Variants in NUP93 observed in about 807,000 individuals in gnomAD.
NUP93 encodes the protein nuclear pore complex protein Nup93.
A neutral mutation model predicts 107.8 loss-of-function variants in NUP93; 55 were observed. That is an observed-to-expected ratio of 0.51 (90% CI 0.41 to 0.64). The LOEUF (loss-of-function observed/expected upper bound fraction) is 0.64. NUP93 is among the 30% of genes least tolerant of loss of function. NUP93 has a pLI of 0.00. For missense variants in NUP93, 937 were observed against 1,044.7 expected (o/e 0.90, Z 1.42); for synonymous variants, 390 against 397.5 (o/e 0.98, Z 0.22).
rs916732353 is a variant in NUP93, at chr16:56,848,523, C to T, written c.*3914C>T. 7 of 152,228 alleles carry T rather than the reference C, an allele frequency of 4.6e-5. No homozygotes were observed. The highest frequency in any genetic ancestry group is 1.0e-4 in the Non-Finnish European group (7 of 68,048). 9.4% of individuals were successfully genotyped at this position (152,228 alleles called of 1,614,324 possible). ...ATCCTACGCTGAATCCACAAGTCTT[C>T]CCATCTTCCACCATCTTCTGACAGT... On this transcript the variant is annotated 3_prime_UTR_variant, in exon 22 of 22. Coordinates refer to ENST00000308159, the MANE Select transcript of NUP93 (RefSeq NM_014669.5).
At chr16:56,808,553 TA>T (rs1156543943) in intron 5 of NUP93, among the ~76,000 whole-genome samples, 1 of 127,762 alleles carries the variant, frequency 7.8e-6, no homozygotes, top group Non-Finnish European at 1.5e-5. Context: ...TATAAATATA[TA>T]AAAATATATA....
chr16:56,821,628 G>T (rs767034423), intron 7 of NUP93, 35 bp downstream of exon 7: 1 of 1,475,732 alleles, frequency 6.8e-7, no homozygotes, highest in South Asian at 1.1e-5. Context: ...AGAAACCGGG[G>T]TCCAGTGTTC....
At chr16:56,829,718 G>A (rs1244307633) in intron 9 of NUP93, among the ~76,000 whole-genome samples, 1 of 152,194 alleles carries the variant, frequency 6.6e-6, no homozygotes, top group Admixed American at 6.6e-5. Flanking sequence ...AGAGTATCGG[G>A]AGGACTGGGT....
chr16:56,740,201 C>G (rs1414825246), intron 1 of NUP93, among the ~76,000 whole-genome samples: 8 of 109,312 alleles, frequency 7.3e-5, no homozygotes, highest in African/African-American at 1.4e-4. Flanking sequence ...GGGTGGCTGC[C>G]GGGCGGAGAG....
intron 1 of NUP93, chr16:56,740,961 A>G (rs1252534348): frequency 6.3e-6 from 1 of 158,378 alleles, no homozygotes; most frequent in East Asian, 1.9e-4. Flanking sequence ...CCGAGATGGC[A>G]GCAGTACAGT....
chr16:56,788,396 C>T (rs201907033), intron 3 of NUP93, among the ~76,000 whole-genome samples: 1 of 152,232 alleles, frequency 6.6e-6, no homozygotes, highest in Non-Finnish European at 1.5e-5. Context: ...AGGAAAGTTG[C>T]TTCTACAACC....
Position 56,834,461 on chromosome 16 carries a change from C to T in NUP93, c.1737+19C>T. On this transcript the variant is annotated intron_variant, in intron 15 of 21. Transcript: ENST00000308159. ...CCGAGAGGTGAGTGGGTTTCCTTTTCTCTCCTCCCCATGGTTTTCAGTGTG... is the reference window on the plus strand; with the variant it reads ...CCGAGAGGTGAGTGGGTTTCCTTTTTTCTCCTCCCCATGGTTTTCAGTGTG... 2 of 1,612,966 alleles carry T rather than the reference C, an allele frequency of 1.2e-6. No individual in the cohort carries two copies. The highest frequency in any genetic ancestry group is 1.1e-5 in the South Asian group (1 of 91,050).
intron 3 of NUP93, among the ~76,000 whole-genome samples, chr16:56,791,903 A>G (rs1461093265): frequency 1.3e-5 from 2 of 152,258 alleles, no homozygotes; most frequent in Admixed American, 6.5e-5. Flanking sequence ...CTCTAAAGCA[A>G]TGAGTTCAAG....
chr16:56,748,473 C>G (rs746692261), intron 2 of NUP93, 47 bp downstream of exon 2: 4 of 1,489,030 alleles, frequency 2.7e-6, no homozygotes, highest in Non-Finnish European at 3.7e-6. Flanking sequence ...GGCTTGCGGG[C>G]AGGATCTGTT....
At chr16:56,752,874 A>G (rs535422979) in intron 2 of NUP93, among the ~76,000 whole-genome samples, 304 of 152,338 alleles carry the variant, frequency 2.0e-3, no homozygotes, top group Non-Finnish European at 2.4e-3. Flanking sequence ...CTGATTTTCA[A>G]CAAGGGTACC....
chr16:56,733,873 G>A lies in NUP93; in HGVS notation c.-15+3662G>A, dbSNP rs185423497. 7.2e-5 allele frequency among the ~76,000 whole-genome samples: 11 copies of A among 152,316 alleles called. No individual in the cohort carries two copies. In the East Asian group the frequency reaches 1.9e-3, roughly 27 times the overall value. Reference sequence around the variant, plus strand: ...ATAGCTTCAACTGTGTCCTCAAACAGCTAGATCCCCCATACACAGTTGCTA... The same window carrying A: ...ATAGCTTCAACTGTGTCCTCAAACAACTAGATCCCCCATACACAGTTGCTA... On this transcript the variant is annotated intron_variant, in intron 1 of 21. Transcript: ENST00000308159.
chr16:56,780,409 T>C (rs1210895056), intron 3 of NUP93, among the ~76,000 whole-genome samples: 1 of 152,238 alleles, frequency 6.6e-6, no homozygotes, highest in Non-Finnish European at 1.5e-5. Context: ...TTTATGCTAG[T>C]AACATAAGTT....
rs543032510 is a variant in NUP93 at position 56,848,620 on chromosome 16, A to T, written c.*4011A>T. The T allele has an allele frequency of 6.6e-6, 1 of 152,204 alleles. No homozygotes were observed. Among genetic ancestry groups the T allele is most frequent in the African/African-American group, 2.4e-5 (1 of 41,432 alleles). The allele number at this position is 152,204 out of a possible 1,614,324, so 9.4% of individuals were successfully genotyped here. ...TAAATCTTTCTGCCACTTGTTTCCA[A>T]CCGAAAAGGAAAAAAGTTAAAAATT... On this transcript the variant is annotated 3_prime_UTR_variant, in exon 22 of 22. Coordinates refer to ENST00000308159, the MANE Select transcript of NUP93 (RefSeq NM_014669.5).
chr16:56,816,617 A>G (rs1050066990), intron 5 of NUP93, among the ~76,000 whole-genome samples: 1 of 152,206 alleles, frequency 6.6e-6, no homozygotes, highest in Non-Finnish European at 1.5e-5. Flanking sequence ...TCCAATCAGT[A>G]AAAGCAGAAG....
chr16:56,750,299 T>C (rs1380154788), intron 2 of NUP93, among the ~76,000 whole-genome samples: 1 of 152,236 alleles, frequency 6.6e-6, no homozygotes, highest in Non-Finnish European at 1.5e-5. Flanking sequence ...TTTTTCCATC[T>C]TCTTGATAGG....
intron 13 of NUP93, 125 bp from the exon 14 acceptor site, chr16:56,834,003 G>A: frequency 1.5e-6 from 2 of 1,371,390 alleles, no homozygotes; most frequent in Non-Finnish European, 2.0e-6. Context: ...GCTTATATTA[G>A]CAAACTTTGA....
rs1425539806 is a variant in NUP93 at position 56,823,784 on chromosome 16, C to T, written c.732C>T (p.Asn244=). 1.2e-6 allele frequency: 2 copies of T among 1,614,198 alleles called. No homozygotes were observed. The highest frequency in any genetic ancestry group is 1.1e-5 in the South Asian group (1 of 91,092). The change falls in exon 8 of 22, where the codon AAC becomes AAT. Residue 244 remains asparagine (N), a synonymous_variant. Transcript: ENST00000308159. The part of the protein sequence containing the change: ...LLTPATDALK[N]RSSVEVRMEF... ...CACCGGCAACGGATGCCCTGAAGAA[C>T]CGCAGCAGCGTGGAAGTGCGCATGG...
chr16:56,750,324 G>A (rs190386730), intron 2 of NUP93, among the ~76,000 whole-genome samples: 78 of 152,292 alleles, frequency 5.1e-4, no homozygotes, highest in African/African-American at 1.7e-3. Context: ...GACATAAAGT[G>A]TGGTGTGAAT....
chr16:56,767,950 T>C (rs1962243998), intron 3 of NUP93, among the ~76,000 whole-genome samples: 1 of 152,234 alleles, frequency 6.6e-6, no homozygotes, highest in African/African-American at 2.4e-5. Flanking sequence ...TTCTTCACTT[T>C]GTCTCAGACT....
Sources: gnomAD v4.1 joint callset for allele counts (sites outside exome capture counted in the v4.1 genomes callset) on GRCh38, gnomAD v4.1.1 for gene constraint, MANE v1.5 for transcripts, NCBI Gene and HGNC (gene_info 2026-07-23, HGNC 2026-07-21) for gene names.